The following XKR6 variants were observed in gnomAD, a reference collection of about 807,000 sequenced individuals.
The protein encoded by XKR6 is XK-related protein 6.
In XKR6, 22 loss-of-function variants were observed where a neutral mutation model predicts 56.7. The ratio of observed to expected loss-of-function variants is 0.39; its 90% CI spans 0.28 to 0.55. XKR6 has a LOEUF of 0.55. Ranked by LOEUF, XKR6 falls within the 20% of genes least tolerant of loss-of-function variation. The pLI, the probability that XKR6 is intolerant of heterozygous loss-of-function variation, is 0.66. For missense variants in XKR6, 852 were observed against 889.0 expected (o/e 0.96, Z 0.53); for synonymous variants, 524 against 387.8 (o/e 1.35, Z -4.13).
chr8:11,002,082 C>A (rs12547653), intron 1 of XKR6, among the ~76,000 whole-genome samples: 22,419 of 96,098 alleles, frequency 0.23, 5,672 homozygotes, highest in African/African-American at 0.65. Flanking sequence ...AAAAAAAAAA[C>A]ACACAAAAAA....
At chr8:10,998,266 TACACACACACACAC>T (rs572940448) in intron 1 of XKR6, among the ~76,000 whole-genome samples, 3 of 150,722 alleles carry the variant, frequency 2.0e-5, no homozygotes, top group South Asian at 4.2e-4. Flanking sequence ...AAGGAGTGGC[TACACACACACACAC>T]ACATACACAC....
intron 1 of XKR6, among the ~76,000 whole-genome samples, chr8:10,976,842 T>C (rs1356098706): frequency 6.6e-6 from 1 of 152,134 alleles, no homozygotes; most frequent in Non-Finnish European, 1.5e-5. Flanking sequence ...AATAGCGATG[T>C]GGCCTCCCTG....
chr8:11,015,391 G>T (rs1277567378), intron 1 of XKR6, among the ~76,000 whole-genome samples: 1 of 152,106 alleles, frequency 6.6e-6, no homozygotes, highest in African/African-American at 2.4e-5. Flanking sequence ...AGGTTTAGGG[G>T]AAGGAGAATA....
chr8:11,152,059 C>A (rs192301329), intron 1 of XKR6, among the ~76,000 whole-genome samples: 10 of 152,100 alleles, frequency 6.6e-5, no homozygotes, highest in Admixed American at 6.5e-4. Context: ...AAAGCGGTCC[C>A]TTTTTTCTCA....
At chr8:11,057,045 T>C (rs930399215) in intron 1 of XKR6, among the ~76,000 whole-genome samples, 2 of 152,230 alleles carry the variant, frequency 1.3e-5, no homozygotes, top group African/African-American at 4.8e-5. Context: ...TGCAGCCATG[T>C]CACCATCTTG....
intron 1 of XKR6, among the ~76,000 whole-genome samples, chr8:11,067,240 G>T (rs1800004754): frequency 2.0e-5 from 3 of 152,216 alleles, no homozygotes. Context: ...AAGGGCAAGA[G>T]CCTGGGGCGG....
intron 1 of XKR6, among the ~76,000 whole-genome samples, chr8:11,072,710 G>A (rs1484883640): frequency 6.6e-6 from 1 of 152,200 alleles, no homozygotes; most frequent in Non-Finnish European, 1.5e-5. Flanking sequence ...CAAAACAGGT[G>A]TGGCCAGAGT....
At chr8:11,118,970 A>G (rs140949495) in intron 1 of XKR6, among the ~76,000 whole-genome samples, 1,556 of 150,056 alleles carry the variant, frequency 0.01, 9 homozygotes, top group African/African-American at 0.028. Flanking sequence ...CACTCTATAC[A>G]CTGCTTTGAA....
chr8:11,017,505 CACG>C (rs1427216810), intron 1 of XKR6, among the ~76,000 whole-genome samples: 1 of 152,354 alleles, frequency 6.6e-6, no homozygotes, highest in African/African-American at 2.4e-5. Context: ...CTGCAAGTAA[CACG>C]ACATTTGTTC....
At chr8:11,162,661 A>G (rs745737344) in intron 1 of XKR6, among the ~76,000 whole-genome samples, 3 of 152,256 alleles carry the variant, frequency 2.0e-5, no homozygotes, top group Non-Finnish European at 2.9e-5. Flanking sequence ...TATTTAAAAC[A>G]GTCCAACTTC....
chr8:10,963,947 AT>A (rs2129131518), intron 1 of XKR6, among the ~76,000 whole-genome samples: 1 of 152,356 alleles, frequency 6.6e-6, no homozygotes, highest in African/African-American at 2.4e-5. Context: ...AGGCAAGTTA[AT>A]TCACTGCCCT....
chr8:10,985,731 T>C (rs921550263), intron 1 of XKR6, among the ~76,000 whole-genome samples: 1 of 152,214 alleles, frequency 6.6e-6, no homozygotes, highest in African/African-American at 2.4e-5. Context: ...TTTCCTTTTT[T>C]CCTTTATAAA....
At chr8:10,985,803 G>A (rs1001112523) in intron 1 of XKR6, among the ~76,000 whole-genome samples, 2 of 152,114 alleles carry the variant, frequency 1.3e-5, no homozygotes, top group Admixed American at 6.5e-5. Flanking sequence ...ATGGGGTTGT[G>A]TCATGTTGCT....
rs1799915179 is a variant in XKR6 at position 10,897,482 on chromosome 8, G to T, written c.*470C>A. On this transcript the variant is annotated 3_prime_UTR_variant, in exon 3 of 3. Transcript: ENST00000416569. ...ACTTAATGAAACTCAGCACCTAAGG[G>T]CATAAGGCAGTTGAAGGTTTTTTGT... 6.5e-6 allele frequency: 1 copy of T among 152,946 alleles called. No homozygotes were observed. Among genetic ancestry groups the T allele is most frequent in the Admixed American group, 6.5e-5 (1 of 15,298 alleles). 9.5% of individuals were successfully genotyped at this position (152,946 alleles called of 1,614,324 possible). A position where few individuals can be genotyped will look rare whatever the true frequency, so the allele number is the denominator to read the frequency against.
intron 1 of XKR6, among the ~76,000 whole-genome samples, chr8:11,191,349 C>T (rs1803563289): frequency 6.6e-6 from 1 of 152,168 alleles, no homozygotes; most frequent in African/African-American, 2.4e-5. Context: ...GGAAAAGAGA[C>T]ACTGATACTT....
At chr8:11,002,535 G>T in intron 1 of XKR6, 1 of 276,138 alleles carries the variant, frequency 3.6e-6, no homozygotes. Flanking sequence ...GGAAGGTGTG[G>T]TGCATACCCA....
intron 2 of XKR6, among the ~76,000 whole-genome samples, chr8:10,901,941 C>A (rs1800046059): frequency 6.6e-6 from 1 of 152,196 alleles, no homozygotes; most frequent in Non-Finnish European, 1.5e-5. Context: ...TGCTCATCAG[C>A]CACCAGTTGC....
At chr8:10,975,857 A>G (rs1802538739) in intron 1 of XKR6, among the ~76,000 whole-genome samples, 1 of 152,172 alleles carries the variant, frequency 6.6e-6, no homozygotes, top group African/African-American at 2.4e-5. Context: ...TCAATCTCCA[A>G]GCCTCCCTCA....
intron 1 of XKR6, among the ~76,000 whole-genome samples, chr8:10,953,580 C>G (rs1430289187): frequency 6.6e-6 from 1 of 152,130 alleles, no homozygotes; most frequent in East Asian, 1.9e-4. Context: ...GCCATGTTGC[C>G]CAGCCCTACA....
Sources: allele counts gnomAD v4.1 joint callset (sites outside exome capture counted in the v4.1 genomes callset), GRCh38; gene constraint gnomAD v4.1.1; transcripts MANE v1.5; gene names NCBI Gene and HGNC (gene_info 2026-07-23, HGNC 2026-07-21).